The following L1CAM variants were observed in gnomAD, a reference collection of about 807,000 sequenced individuals.
L1CAM encodes neural cell adhesion molecule L1.
L1CAM carries 8 observed loss-of-function variants against 93.0 expected under a neutral mutation model. The ratio of observed to expected loss-of-function variants is 0.09; its 90% CI spans 0.05 to 0.16. The LOEUF (loss-of-function observed/expected upper bound fraction) is 0.16. Ranked by LOEUF, L1CAM falls within the 10% of genes least tolerant of loss-of-function variation. The pLI is 1.00. For synonymous variants in L1CAM, 453 were observed against 453.0 expected (o/e 1.00, Z 0.00); for missense variants, 777 against 1,073.4 (o/e 0.72, Z 3.86).
Position 153,875,838 on chromosome X carries a change from T to C in L1CAM, c.-2A>G, listed in dbSNP as rs201884107. 50 of 1,205,296 alleles carry C rather than the reference T, an allele frequency of 4.1e-5. No homozygotes were observed. The highest frequency in any genetic ancestry group is 5.5e-5 in the Non-Finnish European group (49 of 894,261). ...CACGTACCGCAGCGCCACGACCATC[T>C]TTCCCGGCGGCACCGCGCAGCACAG... is the stretch of plus-strand genomic sequence containing the variant. On this transcript the variant is annotated 5_prime_UTR_variant, in exon 2 of 29. Transcript: ENST00000370060.
In L1CAM at chrX:153,872,947, C is replaced by G. The variant is rs1312504441; in HGVS notation, c.92-250G>C. On this transcript the variant is annotated intron_variant, in intron 3 of 28. Coordinates refer to ENST00000370060, the MANE Select transcript of L1CAM (RefSeq NM_001278116.2). Reference sequence around the variant, plus strand: ...AGGGTATGACAGAAAGAAGCGGGGGCAACAAAAGCCAAGACACAGAAACCA... The same window carrying G: ...AGGGTATGACAGAAAGAAGCGGGGGGAACAAAAGCCAAGACACAGAAACCA... The G allele has an allele frequency of 2.7e-5, 12 of 447,984 alleles. No individual in the cohort carries two copies. In the Middle Eastern group the frequency reaches 1.8e-3, roughly 67 times the overall value. 36.9% of individuals were successfully genotyped at this position (447,984 alleles called of 1,213,427 possible).
Position 153,863,906 on chromosome X carries a change from C to T in L1CAM, c.3434G>A (p.Arg1145His), listed in dbSNP as rs952497509. 16 of 1,211,010 alleles carry T rather than the reference C, an allele frequency of 1.3e-5. No homozygotes were observed. The highest frequency in any genetic ancestry group is 3.5e-5 in the South Asian group (2 of 56,892). ...ACCTGAGTATTTGCCGCCCTTGCTG[C>T]GCTTGATGAAGCAGAGGATGAGCAG... ...LVLLILCFIK[R>H]SKGGKYSVKD... is the part of the protein sequence containing the mutation. Residue 1145 changes from arginine to histidine, a missense_variant, in exon 26 of 29, where the codon CGC becomes CAC. Arg to His is a conservative substitution (Grantham distance 29). Transcript: ENST00000370060.
chrX:153,865,830 C>T lies in L1CAM; in HGVS notation c.2432-11G>A. On this transcript the variant is annotated splice_polypyrimidine_tract_variant and intron_variant, in intron 19 of 28. Transcript: ENST00000370060. ...GGATTGCCTGGGGGTCTGGAAACCA[C>T]CAGTGACTTGGATAGAGCCATAGGC... is the stretch of plus-strand genomic sequence containing the variant. 8.8e-7 allele frequency: 1 copy of T among 1,141,197 alleles called. No homozygotes were observed. The highest frequency in any genetic ancestry group is 2.2e-5 in the Admixed American group (1 of 46,038). The allele number at this position is 1,141,197 out of a possible 1,213,427, so 94.0% of individuals were successfully genotyped here.
intron 22 of L1CAM, 40 bp from the exon 23 acceptor site, chrX:153,865,034 G>A: frequency 1.7e-6 from 2 of 1,211,630 alleles, no homozygotes; most frequent in Non-Finnish European, 2.2e-6. Context: ...CTGCAGCTCT[G>A]CCCCCTCCCC....
At chrX:153,870,641 G>A (rs1410931756) in intron 7 of L1CAM, 142 bp from the exon 8 acceptor site, 4 of 787,818 alleles carry the variant, frequency 5.1e-6, no homozygotes, top group African/African-American at 4.1e-5. Flanking sequence ...CTCTGCTCTC[G>A]ACGCCTGGGA....
chrX:153,865,670 C>T (rs781800635), intron 20 of L1CAM, 34 bp downstream of exon 20: 2 of 1,088,112 alleles, frequency 1.8e-6, no homozygotes, highest in Non-Finnish European at 2.6e-6. Context: ...CCTCAGTGAT[C>T]ACCCTCCTGG....
At chrX:153,877,285 T>TA (rs2064819903) in intron 1 of L1CAM, among the ~76,000 whole-genome samples, 1 of 3,987 alleles carries the variant, frequency 2.5e-4, no homozygotes. Flanking sequence ...CTACTAAAAA[T>TA]ACAAAAAAAA....
chrX:153,885,872 C>G, intron 1 of L1CAM, 193 bp downstream of exon 1: 1 of 818,742 alleles, frequency 1.2e-6, no homozygotes, highest in South Asian at 2.8e-5. Context: ...GCATCCCTCC[C>G]CCGCCCCGCT....
rs781869177 is a variant in L1CAM, at chrX:153,872,106, A to T, written c.400+46T>A. The stretch of plus-strand genomic sequence containing the variant: ...AGCAGCTTCCAGCCCACAATCCCAC[A>T]CGAACTCCGGGACCTGCCCTCCCTG... On this transcript the variant is annotated intron_variant, in intron 5 of 28. Transcript: ENST00000370060. 42 of 1,096,297 alleles carry T rather than the reference A, an allele frequency of 3.8e-5. No individual in the cohort carries two copies. The Admixed American group carries it at 9.1e-4, about 24-fold the overall frequency. The allele number at this position is 1,096,297 out of a possible 1,213,427, so 90.3% of individuals were successfully genotyped here. A position where few individuals can be genotyped will look rare whatever the true frequency, so the allele number is the denominator to read the frequency against.
intron 19 of L1CAM, 137 bp downstream of exon 19, chrX:153,866,512 A>G (rs1254549647): frequency 6.6e-6 from 3 of 457,686 alleles, no homozygotes; most frequent in Non-Finnish European, 1.1e-5. Context: ...GGGGAATTTC[A>G]TAACGTCGCT....
At chrX:153,886,017 G>T in intron 1 of L1CAM, 48 bp downstream of exon 1, 1 of 538,801 alleles carries the variant, frequency 1.9e-6, no homozygotes, top group Non-Finnish European at 2.1e-6. Flanking sequence ...TGTCGCCGGG[G>T]GATCGCGGCC....
rs1557090440 is a variant in L1CAM, at chrX:153,865,173, C to T, written c.2787G>A (p.Gln929=). ...GHPEALHLEC[Q]SNTSLLLRWQ... ...AGCGCAGCAGCAGGCTGGTGTTCGA[C>T]TGGCACTCCAGGTGCAACGCCTCGG... Residue 929 remains glutamine, a synonymous_variant, in exon 22 of 29, where the codon CAG becomes CAA. Transcript: ENST00000370060. 2 of 1,209,248 alleles carry T rather than the reference C, an allele frequency of 1.7e-6. No individual in the cohort carries two copies. The highest frequency in any genetic ancestry group is 2.2e-6 in the Non-Finnish European group (2 of 894,628).
intron 3 of L1CAM, 131 bp from the exon 4 acceptor site, chrX:153,872,828 G>A (rs1026008912): frequency 7.3e-5 from 40 of 551,188 alleles, no homozygotes; most frequent in East Asian, 2.5e-4. Context: ...GGGGACGAAC[G>A]GAGGGGAAGA....
chrX:153,879,183 C>T (rs1480390546), intron 1 of L1CAM, among the ~76,000 whole-genome samples: 4 of 109,468 alleles, frequency 3.7e-5, no homozygotes, highest in Non-Finnish European at 5.7e-5. Flanking sequence ...GAGCCAAGGC[C>T]GGGTCTGCCA....
At position 153,867,849 on chromosome X, in the gene L1CAM, C is replaced by T. The variant is rs1557091518; in HGVS notation, c.1890G>A (p.Gln630=). ...CTGCAGGACTCCAGGACACGCGCAC[C>T]TGGCTCTGCGTCAGCAGGTGCAGGT... ...LSDLHLLTQS[Q]VRVSWSPAED... is the part of the protein sequence containing the mutation. Residue 630 remains glutamine, a synonymous_variant, in exon 16 of 29, where the codon CAG becomes CAA. Transcript: ENST00000370060. The T allele has an allele frequency of 1.7e-6, 2 of 1,211,133 alleles. No homozygotes were observed. Among genetic ancestry groups the T allele is most frequent in the Admixed American group, 4.3e-5 (2 of 46,128 alleles).
Position 153,867,044 on chromosome X carries a change from G to A in L1CAM, c.2208+10C>T, listed in dbSNP as rs781914343. On this transcript the variant is annotated intron_variant, in intron 18 of 28. Coordinates refer to ENST00000370060, the MANE Select transcript of L1CAM (RefSeq NM_001278116.2). Reference sequence around the variant, plus strand: ...ATGTCCCCCAGGCAGCTCAGCCCAGGGACTCTCACCTTCCACGTGATGACC... The same window carrying A: ...ATGTCCCCCAGGCAGCTCAGCCCAGAGACTCTCACCTTCCACGTGATGACC... The A allele has an allele frequency of 7.5e-6, 9 of 1,205,316 alleles. No individual in the cohort carries two copies. The highest frequency in any genetic ancestry group is 1.0e-5 in the Non-Finnish European group (9 of 890,241).
rs1456765094 is a variant in L1CAM at position 153,885,732 on chromosome X, G to C, written c.-109+333C>G. 1.9e-5 allele frequency: 9 copies of C among 479,543 alleles called. No individual in the cohort carries two copies. In the Admixed American group the frequency reaches 3.2e-4, roughly 17 times the overall value. The allele number at this position is 479,543 out of a possible 1,213,427, so 39.5% of individuals were successfully genotyped here. On this transcript the variant is annotated intron_variant, in intron 1 of 28. Coordinates refer to ENST00000370060, the MANE Select transcript of L1CAM (RefSeq NM_001278116.2). ...CTTTCTCAGACACGCACACACGCAC[G>C]GGGACCCGCCAACTTCAGCCCCCGC...
intron 1 of L1CAM, among the ~76,000 whole-genome samples, chrX:153,881,068 C>T (rs1368250612): frequency 3.6e-5 from 4 of 112,462 alleles, no homozygotes; most frequent in African/African-American, 1.3e-4. Flanking sequence ...CCACTCCATC[C>T]CCACAATCAC....
Position 153,862,787 on chromosome X carries a change from A to G in L1CAM, c.3650T>C (p.Val1217Ala), listed in dbSNP as rs782191514. ...SLADYGGSVDVQFNEDGSFIG... is the reference protein window; with the variant it reads ...SLADYGGSVDAQFNEDGSFIG... ...GAACGAACCATCCTCGTTGAACTGAACATCCACGCTGCCCCCATAATCGGC... is the reference window on the plus strand; with the variant it reads ...GAACGAACCATCCTCGTTGAACTGAGCATCCACGCTGCCCCCATAATCGGC... The change falls in exon 29 of 29, where the codon GTT becomes GCT. Residue 1217 changes from valine (V) to alanine (A), a missense_variant. Physicochemically the swap from Val to Ala is moderately conservative, Grantham distance 64. This residue lies in a region of L1CAM where 110 missense variants were observed against 141.7 expected (regional missense o/e 0.78). Transcript: ENST00000370060. 8.3e-7 allele frequency: 1 copy of G among 1,211,667 alleles called. No homozygotes were observed. Among genetic ancestry groups the G allele is most frequent in the South Asian group, 1.8e-5 (1 of 57,014 alleles).
Sources: gnomAD v4.1 joint callset for allele counts (sites outside exome capture counted in the v4.1 genomes callset) on GRCh38, gnomAD v4.1.1 for gene constraint, gnomAD v4.1.1 regional missense constraint, MANE v1.5 for transcripts, NCBI Gene and HGNC (gene_info 2026-07-23, HGNC 2026-07-21) for gene names.